The following OTOF variants were observed in gnomAD, a reference collection of about 807,000 sequenced individuals.
The protein encoded by OTOF is otoferlin.
OTOF carries 218 observed loss-of-function variants against 236.8 expected under a neutral mutation model. That is an observed-to-expected ratio of 0.92 (90% CI 0.82 to 1.03). The LOEUF (loss-of-function observed/expected upper bound fraction) is 1.03. Ranked by LOEUF, OTOF falls within the 50% of genes least tolerant of loss-of-function variation. The probability of loss-of-function intolerance (pLI) is 0.00; values close to 1 mark genes in which losing one functional copy is unlikely to be tolerated. For missense variants in OTOF, 2,590 were observed against 2,694.4 expected (o/e 0.96, Z 0.86); for synonymous variants, 1,041 against 1,072.5 (o/e 0.97, Z 0.57).
At chr2:26,516,381 G>A (rs749604421) in intron 5 of OTOF, 37 bp downstream of exon 5, 4 of 1,594,746 alleles carry the variant, frequency 2.5e-6, no homozygotes, top group South Asian at 2.2e-5. Flanking sequence ...CCCGTGTCTT[G>A]GGAGCAGTGG....
intron 5 of OTOF, among the ~76,000 whole-genome samples, chr2:26,508,380 G>C (rs1558505507): frequency 6.6e-6 from 1 of 152,240 alleles, no homozygotes; most frequent in Non-Finnish European, 1.5e-5. Flanking sequence ...AAAGTGTGTT[G>C]AATGTCAGTT....
rs1017850996 is a variant in OTOF, at chr2:26,507,033, A to T, written c.510-3188T>A. Among the ~76,000 whole-genome samples, 12 of 152,226 alleles carry T rather than the reference A, an allele frequency of 7.9e-5. No individual in the cohort carries two copies. The East Asian group carries it at 1.9e-3, about 24-fold the overall frequency. ...AAACTATACTTGTCCAACTATCTCT[A>T]CTACACCTTGAAGCAATTGAAAGGA... is the stretch of plus-strand genomic sequence containing the variant. On this transcript the variant is annotated intron_variant, in intron 5 of 46. Coordinates refer to ENST00000272371, the MANE Select transcript of OTOF (RefSeq NM_194248.3).
At chr2:26,484,423 G>A (rs1665649969) in intron 12 of OTOF, 51 bp downstream of exon 12, 2 of 1,606,082 alleles carry the variant, frequency 1.2e-6, no homozygotes, top group South Asian at 2.2e-5. Context: ...GGCTCCCTGG[G>A]GGAAGGAAGG....
intron 1 of OTOF, among the ~76,000 whole-genome samples, chr2:26,547,896 GA>G (rs1230388908): frequency 7.2e-5 from 11 of 152,298 alleles, no homozygotes; most frequent in South Asian, 4.1e-4. Context: ...ATCTAGATCT[GA>G]AGTTTTCTTT....
intron 1 of OTOF, among the ~76,000 whole-genome samples, chr2:26,543,339 T>C (rs1361019557): frequency 6.6e-6 from 1 of 152,290 alleles, no homozygotes; most frequent in East Asian, 1.9e-4. Flanking sequence ...ATCCAACCCC[T>C]TGGGGTCTCA....
At chr2:26,541,872 C>T (rs1254312273) in intron 1 of OTOF, among the ~76,000 whole-genome samples, 6 of 152,150 alleles carry the variant, frequency 3.9e-5, no homozygotes, top group South Asian at 2.1e-4. Flanking sequence ...GAAGGAGGTT[C>T]GATGGGGGAA....
chr2:26,532,225 T>C (rs1666967943), intron 2 of OTOF, among the ~76,000 whole-genome samples: 1 of 151,752 alleles, frequency 6.6e-6, no homozygotes, highest in Non-Finnish European at 1.5e-5. Flanking sequence ...AAAGATGTGC[T>C]CCTTTTACAA....
In OTOF at chr2:26,468,684, A is replaced by T. The variant is rs542152414; in HGVS notation, c.4024-210T>A. Among the ~76,000 whole-genome samples, 150 of 152,354 alleles carry T rather than the reference A, an allele frequency of 9.8e-4. 2 individuals carry two copies. The highest frequency in any genetic ancestry group is 3.4e-3 in the African/African-American group (142 of 41,592). ...ACTAGTGGTACTTAGGGGTTTATGC[A>T]TCTGTGGCACATATACACCATGGAA... On this transcript the variant is annotated intron_variant, in intron 32 of 46. Coordinates refer to ENST00000272371, the MANE Select transcript of OTOF (RefSeq NM_194248.3).
chr2:26,537,859 T>G, intron 1 of OTOF, 85 bp from the exon 2 acceptor site: 1 of 1,010,958 alleles, frequency 9.9e-7, no homozygotes, highest in East Asian at 2.6e-5. Context: ...CTGGGAGTCG[T>G]CCTAACAGCA....
rs555601299 is a variant in OTOF at position 26,461,422 on chromosome 2, G to A, written c.5533+274C>T. 4.6e-5 allele frequency among the ~76,000 whole-genome samples: 7 copies of A among 152,254 alleles called. No homozygotes were observed. In the South Asian group the frequency reaches 1.4e-3, roughly 32 times the overall value. ...CCAGGGAGGTTTCCCGACTCCCTTA[G>A]GGAGCCTCTCCCCTCCCCCATCATC... On this transcript the variant is annotated intron_variant, in intron 43 of 46. Coordinates refer to ENST00000272371, the MANE Select transcript of OTOF (RefSeq NM_194248.3). The surrounding 1 kb of genome is among the most constrained non-coding windows in gnomAD (Gnocchi z 6.2).
chr2:26,513,398 G>T (rs1666438808), intron 5 of OTOF, among the ~76,000 whole-genome samples: 1 of 152,132 alleles, frequency 6.6e-6, no homozygotes, highest in African/African-American at 2.4e-5. Flanking sequence ...GTGCCCAGAG[G>T]ATCTCCTGGC....
chr2:26,472,667 T>A lies in OTOF; in HGVS notation c.3734-18A>T, dbSNP rs930056044. ...AAGCCTGACTGGACAGATGGATAGA[T>A]GGACAGACAGGCAGAGGAAGGAGCA... On this transcript the variant is annotated intron_variant, in intron 29 of 46. Transcript: ENST00000272371. The A allele has an allele frequency of 1.9e-6, 3 of 1,612,074 alleles. No individual in the cohort carries two copies. The highest frequency in any genetic ancestry group is 2.5e-6 in the Non-Finnish European group (3 of 1,179,590).
At position 26,461,769 on chromosome 2, in the gene OTOF, G is replaced by T. The variant is rs148749290; in HGVS notation, c.5460C>A (p.Thr1820=). 1 of 1,614,100 alleles carries T rather than the reference G, an allele frequency of 6.2e-7. No homozygotes were observed. The highest frequency in any genetic ancestry group is 8.5e-7 in the Non-Finnish European group (1 of 1,180,014). ...KKESMFSWDE[T]EYKIPARLTL... ...TGAGCCGCGCGGGGATCTTGTACTC[G>T]GTCTCGTCCCAGGAGAACATGGACT... The change falls in exon 43 of 47, where the codon ACC becomes ACA. Residue 1820 remains threonine (T), a synonymous_variant. Coordinates refer to ENST00000272371, the MANE Select transcript of OTOF (RefSeq NM_194248.3). The surrounding 1 kb of genome is among the most constrained non-coding windows in gnomAD (Gnocchi z 6.2).
At chr2:26,472,047 A>G (rs535463270) in intron 30 of OTOF, among the ~76,000 whole-genome samples, 5 of 152,230 alleles carry the variant, frequency 3.3e-5, no homozygotes, top group African/African-American at 7.2e-5. Flanking sequence ...ACATACATGC[A>G]CATGCTCATA....
intron 5 of OTOF, among the ~76,000 whole-genome samples, chr2:26,511,497 C>G (rs1190957351): frequency 6.6e-6 from 1 of 152,234 alleles, no homozygotes; most frequent in Non-Finnish European, 1.5e-5. Context: ...AATTATTCCT[C>G]TCCTCACACC....
intron 22 of OTOF, 71 bp from the exon 23 acceptor site, chr2:26,476,388 G>T (rs1665270713): frequency 7.1e-7 from 1 of 1,418,276 alleles, no homozygotes; most frequent in East Asian, 2.4e-5. Flanking sequence ...AGGGGCAGGG[G>T]CCGGCAGAGG....
At chr2:26,531,449 G>T (rs1283922456) in intron 2 of OTOF, among the ~76,000 whole-genome samples, 2 of 152,170 alleles carry the variant, frequency 1.3e-5, no homozygotes, top group Non-Finnish European at 2.9e-5. Context: ...GATCTCACAG[G>T]TGACAGCAGT....
chr2:26,516,709 C>T, intron 4 of OTOF, 110 bp from the exon 5 acceptor site: 3 of 1,144,784 alleles, frequency 2.6e-6, no homozygotes, highest in Admixed American at 1.8e-5. Context: ...CCTTGCCTCA[C>T]TGGAGGAGGT....
chr2:26,550,843 T>A (rs2148135402), intron 1 of OTOF, among the ~76,000 whole-genome samples: 1 of 152,264 alleles, frequency 6.6e-6, no homozygotes, highest in East Asian at 1.9e-4. Flanking sequence ...ATTCTCCTGC[T>A]AAGAGTGTGA....
Sources: allele counts gnomAD v4.1 joint callset (sites outside exome capture counted in the v4.1 genomes callset), GRCh38; gene constraint gnomAD v4.1.1; non-coding constraint Gnocchi (gnomAD v3.1); transcripts MANE v1.5; gene names NCBI Gene and HGNC (gene_info 2026-07-23, HGNC 2026-07-21).